Variants in STAT4 observed in about 807,000 individuals in gnomAD.
The protein encoded by STAT4 is signal transducer and activator of transcription 4.
In STAT4, 42 loss-of-function variants were observed where a neutral mutation model predicts 110.5. That is an observed-to-expected ratio of 0.38 (90% CI 0.30 to 0.49). The LOEUF (loss-of-function observed/expected upper bound fraction) is 0.49. Ranked by LOEUF, STAT4 falls within the 20% of genes least tolerant of loss-of-function variation. STAT4 has a pLI of 0.95. For synonymous variants in STAT4, 284 were observed against 302.2 expected (o/e 0.94, Z 0.63); for missense variants, 632 against 887.9 (o/e 0.71, Z 3.66).
intron 3 of STAT4, among the ~76,000 whole-genome samples, chr2:191,130,956 A>AG (rs11399706): frequency 0.64 from 96,348 of 151,158 alleles, 31,481 homozygotes; most frequent in South Asian, 0.78. Context: ...TTATTAAAAA[A>AG]GGATGAAAAT....
intron 13 of STAT4, among the ~76,000 whole-genome samples, chr2:191,057,065 G>A (rs548541414): frequency 6.5e-4 from 99 of 152,250 alleles, no homozygotes; most frequent in African/African-American, 2.3e-3. Flanking sequence ...TTAGAGGCGT[G>A]AGCCACCGTG....
At chr2:191,139,870 T>C (rs1013372451) in intron 3 of STAT4, among the ~76,000 whole-genome samples, 1 of 152,176 alleles carries the variant, frequency 6.6e-6, no homozygotes, top group African/African-American at 2.4e-5. Context: ...AAGGCTATAG[T>C]TACCAAAACA....
chr2:191,033,700 G>A lies in STAT4; in HGVS notation c.1716-74C>T, dbSNP rs1471762215. ...CTTATTGCATTTACAAAGACCTACA[G>A]TTTGTTTTGAGTGTAATCAAAAGTC... On this transcript the variant is annotated intron_variant, in intron 19 of 23. Transcript: ENST00000392320. The surrounding 1 kb of genome is among the most constrained non-coding windows in gnomAD (Gnocchi z 6.9). 1 of 1,564,266 alleles carries A rather than the reference G, an allele frequency of 6.4e-7. No individual in the cohort carries two copies. Among genetic ancestry groups the A allele is most frequent in the Non-Finnish European group, 8.6e-7 (1 of 1,156,254 alleles).
rs376350759 is a variant in STAT4, at chr2:191,043,790, G to A, written c.1252-2642C>T. 4.6e-5 allele frequency among the ~76,000 whole-genome samples: 7 copies of A among 152,226 alleles called. No homozygotes were observed. Among genetic ancestry groups the A allele is most frequent in the South Asian group, 4.1e-4 (2 of 4,826 alleles). On this transcript the variant is annotated intron_variant, in intron 14 of 23. Transcript: ENST00000392320. The surrounding 1 kb of genome is among the most constrained non-coding windows in gnomAD (Gnocchi z 4.8). ...ATGATCCACAGCAACATGAATCAAC[G>A]TAGGAATGAGTCTCAGAAAATATTT...
At chr2:191,102,137 T>C (rs920118053) in intron 3 of STAT4, among the ~76,000 whole-genome samples, 1 of 152,036 alleles carries the variant, frequency 6.6e-6, no homozygotes, top group South Asian at 2.1e-4. Context: ...ATTTTGGCAA[T>C]CAGACATTGG....
At chr2:191,130,882 A>T (rs935038358) in intron 3 of STAT4, among the ~76,000 whole-genome samples, 1 of 151,778 alleles carries the variant, frequency 6.6e-6, no homozygotes, top group Non-Finnish European at 1.5e-5. Flanking sequence ...GATATGAACA[A>T]TGAGAGCACT....
At position 191,033,093 on chromosome 2, in the gene STAT4, G is replaced by T; in HGVS notation, c.1909C>A (p.Pro637Thr). Reference protein sequence around the residue: ...PYNKGRLSALPFADILRDYKV... With the variant: ...PYNKGRLSALTFADILRDYKV... ...TAGTCTCGCAGGATGTCAGCGAATG[G>T]CAGAGCAGACAACCGGCCTTTATTG... The change falls in exon 21 of 24, where the codon CCA (proline) becomes ACA (threonine). Residue 637 changes from proline (P) to threonine (T), a missense_variant. Physicochemically the swap from Pro to Thr is conservative, Grantham distance 38. Transcript: ENST00000392320. This position sits in a 1 kb window ranked among gnomAD's most constrained non-coding sequence, Gnocchi z 6.9. 2 of 1,614,206 alleles carry T rather than the reference G, an allele frequency of 1.2e-6. No homozygotes were observed. The highest frequency in any genetic ancestry group is 1.7e-6 in the Non-Finnish European group (2 of 1,180,038).
chr2:191,139,609 T>G (rs763482805), intron 3 of STAT4, among the ~76,000 whole-genome samples: 50 of 152,130 alleles, frequency 3.3e-4, no homozygotes, highest in Non-Finnish European at 5.7e-4. Context: ...ATATATAACA[T>G]GAACAAATGG....
In STAT4 at chr2:191,085,054, CA is replaced by C. The variant is rs374374826; in HGVS notation, c.274-8730del. Among the ~76,000 whole-genome samples the C allele has an allele frequency of 3.0e-3, 415 of 137,086 alleles. 2 individuals are homozygous for C. Among genetic ancestry groups the C allele is most frequent in the South Asian group, 4.7e-3 (20 of 4,298 alleles). 89.9% of individuals were successfully genotyped at this position (137,086 alleles called of 152,430 possible). ...TATTTTTATCTTTTGAGTAAACTAC[CA>C]AAAAAAAAAAATGGGAGAGAGAAAG... On this transcript the variant is annotated intron_variant, in intron 3 of 23. Coordinates refer to ENST00000392320, the MANE Select transcript of STAT4 (RefSeq NM_003151.4).
In STAT4 at chr2:191,053,665, A is replaced by AT. The variant is rs1432530402; in HGVS notation, c.1251+824dup. On this transcript the variant is annotated intron_variant, in intron 14 of 23. Coordinates refer to ENST00000392320, the MANE Select transcript of STAT4 (RefSeq NM_003151.4). The surrounding 1 kb of genome is among the most constrained non-coding windows in gnomAD (Gnocchi z 4.5). ...GTTGTTTTTTACCCCACATATCATA[A>AT]TTTTTCAGCCTGACTTCATATATGT... Among the ~76,000 whole-genome samples, 1 of 152,198 alleles carries AT rather than the reference A, an allele frequency of 6.6e-6. No individual in the cohort carries two copies. The highest frequency in any genetic ancestry group is 1.9e-4 in the East Asian group (1 of 5,202).
At chr2:191,125,476 T>TTTATTATTATTATTATTATTA (rs6147087) in intron 3 of STAT4, among the ~76,000 whole-genome samples, 23,169 of 137,806 alleles carry the variant, frequency 0.17, 2,313 homozygotes, top group South Asian at 0.23. Context: ...ATCCTCATTA[T>TTTATTATTATTATTATTATTA]TTATTATTAT....
chr2:191,065,920 T>C (rs569026790), intron 7 of STAT4, among the ~76,000 whole-genome samples: 12 of 152,270 alleles, frequency 7.9e-5, no homozygotes, highest in African/African-American at 2.6e-4. Context: ...AGAAAAAAAG[T>C]TCTTGCTCTC....
intron 13 of STAT4, among the ~76,000 whole-genome samples, 169 bp from the exon 14 acceptor site, chr2:191,054,703 G>A (rs1300030512): frequency 6.6e-6 from 1 of 152,178 alleles, no homozygotes; most frequent in African/African-American, 2.4e-5. Flanking sequence ...TTGACAGAGA[G>A]GAGTTTCCTG....
rs1437193886 is a variant in STAT4, at chr2:191,072,406, A to G, written c.465+692T>C. ...CTTTCTCACAACAGTGTAAGCCCAG[A>G]CTTTTGCATTCATGTTTTACTTGTT... On this transcript the variant is annotated intron_variant, in intron 5 of 23. Coordinates refer to ENST00000392320, the MANE Select transcript of STAT4 (RefSeq NM_003151.4). Among the ~76,000 whole-genome samples, 3 of 152,280 alleles carry G rather than the reference A, an allele frequency of 2.0e-5. 1 individual carries two copies. The East Asian group carries it at 5.8e-4, about 29-fold the overall frequency.
chr2:191,109,608 C>T (rs1390058565), intron 3 of STAT4, among the ~76,000 whole-genome samples: 1 of 152,196 alleles, frequency 6.6e-6, no homozygotes, highest in African/African-American at 2.4e-5. Flanking sequence ...GAACTCAAAC[C>T]AGGTCAAAGC....
intron 3 of STAT4, among the ~76,000 whole-genome samples, chr2:191,089,570 G>A (rs184009180): frequency 2.0e-5 from 3 of 152,296 alleles, no homozygotes; most frequent in Non-Finnish European, 4.4e-5. Context: ...TTATCTAAAG[G>A]AGATGAAAAC....
intron 4 of STAT4, 82 bp downstream of exon 4, chr2:191,076,145 T>C (rs1310644695): frequency 8.5e-7 from 1 of 1,176,366 alleles, no homozygotes; most frequent in Non-Finnish European, 1.3e-6. Flanking sequence ...TGAGCCACTG[T>C]ACCCTACCAA....
At chr2:191,036,692 T>C (rs186395436) in intron 16 of STAT4, among the ~76,000 whole-genome samples, 280 of 152,296 alleles carry the variant, frequency 1.8e-3, no homozygotes, top group African/African-American at 6.6e-3. Flanking sequence ...GTTCTAAAGC[T>C]TTTTAATAAA....
intron 3 of STAT4, chr2:191,131,742 A>AT (rs1264222793): frequency 1.6e-6 from 2 of 1,266,860 alleles, no homozygotes; most frequent in Non-Finnish European, 2.0e-6. Context: ...ATTAGAAGGA[A>AT]TAGATGGGTA....
Sources: gnomAD v4.1 joint callset for allele counts (sites outside exome capture counted in the v4.1 genomes callset) on GRCh38, gnomAD v4.1.1 for gene constraint, Gnocchi (gnomAD v3.1) non-coding constraint, MANE v1.5 for transcripts, NCBI Gene and HGNC (gene_info 2026-07-23, HGNC 2026-07-21) for gene names.